Variants in STXBP5L observed in about 807,000 individuals in gnomAD.
The protein encoded by STXBP5L is syntaxin-binding protein 5-like.
A neutral mutation model predicts 144.5 loss-of-function variants in STXBP5L; 65 were observed. The observed-to-expected ratio is 0.45, with a 90% CI of 0.37 to 0.55. STXBP5L has a LOEUF of 0.55. Ranked by LOEUF, STXBP5L falls within the 20% of genes least tolerant of loss-of-function variation. The pLI is 0.00. For missense variants in STXBP5L, 1,298 were observed against 1,405.5 expected (o/e 0.92, Z 1.22); for synonymous variants, 505 against 469.6 (o/e 1.08, Z -0.97).
chr3:120,942,170 A>G (rs931265013), intron 2 of STXBP5L, among the ~76,000 whole-genome samples: 1 of 151,732 alleles, frequency 6.6e-6, no homozygotes. Flanking sequence ...CTTTGAAAAG[A>G]TATTTTATTA....
At position 120,955,493 on chromosome 3, in the gene STXBP5L, A is replaced by C. The variant is rs561021764; in HGVS notation, c.287+456A>C. On this transcript the variant is annotated intron_variant, in intron 3 of 26. Coordinates refer to ENST00000471454, the MANE Select transcript of STXBP5L (RefSeq NM_001308330.2). ...GTGGAAACAGTTAATTAATTTGAGA[A>C]CTTTCTTCTTTTCTAATATGTGCCT... Among the ~76,000 whole-genome samples the C allele has an allele frequency of 7.2e-5, 11 of 152,132 alleles. No homozygotes were observed. In the East Asian group the frequency reaches 1.9e-3, roughly 27 times the overall value.
At chr3:121,363,221 G>C (rs1157689339) in intron 20 of STXBP5L, among the ~76,000 whole-genome samples, 1 of 152,146 alleles carries the variant, frequency 6.6e-6, no homozygotes, top group Non-Finnish European at 1.5e-5. Flanking sequence ...GGTGATACCA[G>C]CAGTCCCTTG....
At chr3:121,398,991 C>T (rs561638890) in intron 22 of STXBP5L, among the ~76,000 whole-genome samples, 10 of 152,028 alleles carry the variant, frequency 6.6e-5, no homozygotes, top group Middle Eastern at 3.4e-3. Context: ...CAGTGTCCTC[C>T]GGAAAAGAAA....
chr3:121,348,868 C>A (rs2045132849), intron 20 of STXBP5L, among the ~76,000 whole-genome samples: 1 of 151,990 alleles, frequency 6.6e-6, no homozygotes, highest in South Asian at 2.1e-4. Flanking sequence ...ATTATTCTTA[C>A]TAGCAGTCTA....
At chr3:120,918,084 T>C (rs767686418) in intron 2 of STXBP5L, among the ~76,000 whole-genome samples, 1 of 152,236 alleles carries the variant, frequency 6.6e-6, no homozygotes, top group Non-Finnish European at 1.5e-5. Flanking sequence ...CCTTGGCCGA[T>C]GGCCCCCTCC....
At chr3:121,282,179 G>T in intron 19 of STXBP5L, 1 of 1,163,154 alleles carries the variant, frequency 8.6e-7, no homozygotes, top group South Asian at 1.3e-5. Flanking sequence ...TCTAGATTCT[G>T]GTATGATATC....
At chr3:120,957,822 G>T (rs927718192) in intron 3 of STXBP5L, among the ~76,000 whole-genome samples, 1 of 152,216 alleles carries the variant, frequency 6.6e-6, no homozygotes, top group Admixed American at 6.5e-5. Flanking sequence ...ATCTAAAATT[G>T]ATGCCTTAAC....
intron 19 of STXBP5L, among the ~76,000 whole-genome samples, chr3:121,318,245 C>T (rs1356334402): frequency 1.3e-5 from 2 of 151,792 alleles, no homozygotes; most frequent in Non-Finnish European, 2.9e-5. Context: ...ATTGCTTCAG[C>T]CCAGGAGTTC....
intron 10 of STXBP5L, among the ~76,000 whole-genome samples, chr3:121,221,480 T>A (rs2048971287): frequency 6.6e-6 from 1 of 151,644 alleles, no homozygotes; most frequent in Admixed American, 6.6e-5. Context: ...AAGCTTAATA[T>A]TATTATTAAT....
intron 9 of STXBP5L, among the ~76,000 whole-genome samples, chr3:121,160,099 AT>A (rs1374778868): frequency 1.4e-4 from 21 of 152,004 alleles, no homozygotes; most frequent in Non-Finnish European, 5.9e-5. Flanking sequence ...TTTTTGTTTT[AT>A]GTATTTTAAA....
chr3:121,010,492 A>G (rs952799983), intron 3 of STXBP5L, among the ~76,000 whole-genome samples: 27 of 151,412 alleles, frequency 1.8e-4, no homozygotes, highest in Non-Finnish European at 4.0e-4. Flanking sequence ...ATTCCCTACC[A>G]TCAATCCTGG....
At chr3:120,928,639 AGTGT>A (rs71133519) in intron 2 of STXBP5L, among the ~76,000 whole-genome samples, 7,999 of 147,176 alleles carry the variant, frequency 0.054, 233 homozygotes, top group Middle Eastern at 0.099. Flanking sequence ...TGGTATACAG[AGTGT>A]GTGTGTGTGT....
chr3:121,188,987 G>C (rs965197109), intron 9 of STXBP5L, among the ~76,000 whole-genome samples: 3 of 152,084 alleles, frequency 2.0e-5, no homozygotes, highest in African/African-American at 4.8e-5. Flanking sequence ...AGAAATAAAG[G>C]GTATTCAATT....
chr3:121,073,328 C>T (rs1270733591), intron 5 of STXBP5L, among the ~76,000 whole-genome samples: 1 of 152,190 alleles, frequency 6.6e-6, no homozygotes. Context: ...ATCTTAACAT[C>T]TTAGGGTTAG....
chr3:121,123,692 T>G (rs923508143), intron 7 of STXBP5L, among the ~76,000 whole-genome samples: 6 of 151,802 alleles, frequency 4.0e-5, no homozygotes, highest in Non-Finnish European at 8.9e-5. Flanking sequence ...GAATATAATG[T>G]GGCAATTGTT....
At chr3:121,366,324 T>G (rs2045863714) in intron 20 of STXBP5L, among the ~76,000 whole-genome samples, 1 of 152,020 alleles carries the variant, frequency 6.6e-6, no homozygotes, top group Non-Finnish European at 1.5e-5. Flanking sequence ...GTCTGGTTGG[T>G]CTATCTATTT....
intron 9 of STXBP5L, among the ~76,000 whole-genome samples, chr3:121,175,652 G>C (rs1374483571): frequency 6.6e-6 from 1 of 151,674 alleles, no homozygotes; most frequent in Non-Finnish European, 1.5e-5. Context: ...AGGCAGAAAA[G>C]GAGGGAAAAA....
At chr3:120,977,557 A>G (rs988995691) in intron 3 of STXBP5L, among the ~76,000 whole-genome samples, 1 of 152,098 alleles carries the variant, frequency 6.6e-6, no homozygotes, top group Non-Finnish European at 1.5e-5. Flanking sequence ...GAAAGTTAAT[A>G]TTGTTATGTG....
At chr3:121,204,039 A>G (rs1443363571) in intron 9 of STXBP5L, among the ~76,000 whole-genome samples, 21 of 152,092 alleles carry the variant, frequency 1.4e-4, no homozygotes, top group Non-Finnish European at 2.5e-4. Context: ...GGAGATTGAG[A>G]CCATCCTGGC....
Sources: gnomAD v4.1 joint callset for allele counts (sites outside exome capture counted in the v4.1 genomes callset) on GRCh38, gnomAD v4.1.1 for gene constraint, MANE v1.5 for transcripts, NCBI Gene and HGNC (gene_info 2026-07-23, HGNC 2026-07-21) for gene names.